The following RNLS variants were observed in gnomAD, a reference collection of about 807,000 sequenced individuals.
The protein encoded by RNLS is renalase.
RNLS carries 39 observed loss-of-function variants against 39.8 expected under a neutral mutation model. The observed-to-expected ratio is 0.98, with a 90% CI of 0.76 to 1.28. The LOEUF (loss-of-function observed/expected upper bound fraction) is 1.28, where lower values mean the gene tolerates loss of function less well. Ranked by LOEUF, RNLS falls within the 50% of genes most tolerant of loss-of-function variation. The pLI, the probability that RNLS is intolerant of heterozygous loss-of-function variation, is 0.00. For missense variants in RNLS, 410 were observed against 413.3 expected (o/e 0.99, Z 0.07); for synonymous variants, 147 against 150.7 (o/e 0.98, Z 0.18).
chr10:88,438,589 GA>G (rs1345595677), intron 4 of RNLS, among the ~76,000 whole-genome samples: 2 of 152,240 alleles, frequency 1.3e-5, no homozygotes, highest in African/African-American at 2.4e-5. Context: ...TAAAGAAGCA[GA>G]AAAGGTCAGA....
intron 4 of RNLS, among the ~76,000 whole-genome samples, chr10:88,374,348 G>A (rs1482725079): frequency 6.6e-6 from 1 of 151,892 alleles, no homozygotes. Context: ...GTTTTTACCA[G>A]GTGTCTGTTA....
the RNLS span, among the ~76,000 whole-genome samples, chr10:88,256,375 A>G: frequency 6.6e-6 from 1 of 152,222 alleles, no homozygotes; most frequent in Non-Finnish European, 1.5e-5. Context: ...TGGAGCTCTG[A>G]TGTAGCTGAC....
intron 4 of RNLS, among the ~76,000 whole-genome samples, chr10:88,572,215 G>T (rs1360736215): frequency 6.6e-6 from 1 of 151,724 alleles, no homozygotes; most frequent in East Asian, 1.9e-4. Flanking sequence ...CTACTTTGGG[G>T]AAAGATAGGA....
At chr10:88,502,277 G>A (rs528985011) in intron 4 of RNLS, among the ~76,000 whole-genome samples, 31 of 147,634 alleles carry the variant, frequency 2.1e-4, no homozygotes, top group Non-Finnish European at 7.5e-5. Flanking sequence ...GTGTAAGGAG[G>A]AGGCCCTTTA....
the RNLS span, among the ~76,000 whole-genome samples, chr10:88,195,125 G>A: frequency 6.6e-6 from 1 of 152,118 alleles, no homozygotes; most frequent in Admixed American, 6.5e-5. Context: ...CAAAATGCTT[G>A]GTCTGTGCGT....
chr10:88,194,333 G>C, the RNLS span, among the ~76,000 whole-genome samples: 1 of 152,200 alleles, frequency 6.6e-6, no homozygotes, highest in African/African-American at 2.4e-5. Flanking sequence ...AATGTCTCCA[G>C]ATACTGTTAA....
chr10:88,541,621 A>C (rs1848045988), intron 4 of RNLS, among the ~76,000 whole-genome samples: 1 of 152,196 alleles, frequency 6.6e-6, no homozygotes, highest in Admixed American at 6.5e-5. Flanking sequence ...ATCAGGGTGA[A>C]AAGATTATGT....
At chr10:88,330,106 TACAC>T (rs931601964) in intron 5 of RNLS, among the ~76,000 whole-genome samples, 13 of 147,740 alleles carry the variant, frequency 8.8e-5, no homozygotes, top group South Asian at 8.4e-4. Flanking sequence ...TAAATATATA[TACAC>T]ACACTATATA....
chr10:88,251,935 C>T, the RNLS span, among the ~76,000 whole-genome samples: 1 of 152,196 alleles, frequency 6.6e-6, no homozygotes, highest in Non-Finnish European at 1.5e-5. Context: ...CACCACACCA[C>T]AGTGTATTTA....
intron 4 of RNLS, among the ~76,000 whole-genome samples, chr10:88,409,658 C>T (rs934903488): frequency 4.6e-5 from 7 of 152,178 alleles, no homozygotes; most frequent in African/African-American, 1.7e-4. Context: ...CATAAAATGC[C>T]AGTCATTAAT....
chr10:88,192,141 CTG>C, the RNLS span, among the ~76,000 whole-genome samples: 1 of 152,114 alleles, frequency 6.6e-6, no homozygotes, highest in Non-Finnish European at 1.5e-5. Flanking sequence ...CTCTGAAACA[CTG>C]TGCTTCCTAT....
At chr10:88,309,401 A>T in intron 6 of RNLS, 1 of 1,285,386 alleles carries the variant, frequency 7.8e-7, no homozygotes, top group Non-Finnish European at 1.0e-6. Flanking sequence ...AATTAATCTC[A>T]TGAGGGGATA....
the RNLS span, among the ~76,000 whole-genome samples, chr10:88,252,350 A>T: frequency 2.1e-4 from 32 of 152,134 alleles, no homozygotes; most frequent in African/African-American, 7.0e-4. Context: ...ATTTTATAAC[A>T]AGTTGTGGAA....
At chr10:88,321,649 T>C (rs948311345) in intron 5 of RNLS, among the ~76,000 whole-genome samples, 2 of 151,926 alleles carry the variant, frequency 1.3e-5, no homozygotes, top group African/African-American at 2.4e-5. Context: ...CAAAAGATTC[T>C]CAGAAGCTAT....
intron 5 of RNLS, among the ~76,000 whole-genome samples, chr10:88,357,792 T>A (rs1271378312): frequency 6.6e-6 from 1 of 152,224 alleles, no homozygotes; most frequent in Non-Finnish European, 1.5e-5. Flanking sequence ...CTCTCCTCCA[T>A]CCTCTTTCCA....
chr10:88,256,258 A>G, the RNLS span, among the ~76,000 whole-genome samples: 1 of 152,202 alleles, frequency 6.6e-6, no homozygotes, highest in African/African-American at 2.4e-5. Flanking sequence ...TCATAGATGA[A>G]ATTACCAACC....
chr10:88,259,561 T>C, the RNLS span, among the ~76,000 whole-genome samples: 30 of 152,306 alleles, frequency 2.0e-4, no homozygotes, highest in African/African-American at 7.0e-4. Flanking sequence ...TCCACACTTG[T>C]AAATTGAGTG....
chr10:88,172,846 T>G, the RNLS span, among the ~76,000 whole-genome samples: 4 of 38,758 alleles, frequency 1.0e-4, no homozygotes, highest in Admixed American at 2.3e-4. Context: ...TGAGTTGTTT[T>G]TTTTTTTTTT....
chr10:88,560,637 AG>A lies in RNLS; in HGVS notation c.526+12265del, dbSNP rs578081540. ...CAAACTCTGGGAGGGAGCTCCCAGG[AG>A]GAGTAACAGAGACCTGGTTCCCTGG... On this transcript the variant is annotated intron_variant, in intron 4 of 6. Coordinates refer to ENST00000331772, the MANE Select transcript of RNLS (RefSeq NM_001031709.3). Among the ~76,000 whole-genome samples, 590 of 152,222 alleles carry A rather than the reference AG, an allele frequency of 3.9e-3. 5 individuals are homozygous for A. The highest frequency in any genetic ancestry group is 0.013 in the African/African-American group (531 of 41,548).
Sources: gnomAD v4.1 joint callset for allele counts (sites outside exome capture counted in the v4.1 genomes callset) on GRCh38, gnomAD v4.1.1 for gene constraint, MANE v1.5 for transcripts, NCBI Gene and HGNC (gene_info 2026-07-23, HGNC 2026-07-21) for gene names.